The following CACNA2D3 variants were observed in gnomAD, a reference collection of about 807,000 sequenced individuals.
CACNA2D3 encodes the protein voltage-dependent calcium channel subunit alpha-2/delta-3.
A neutral mutation model predicts 160.6 loss-of-function variants in CACNA2D3; 60 were observed. The observed-to-expected ratio is 0.37, with a 90% CI of 0.30 to 0.46. The LOEUF is 0.46. Among genes scored for constraint, CACNA2D3 ranks in the 20% least tolerant of loss-of-function variants. The pLI is 1.00. For missense variants in CACNA2D3, 1,205 were observed against 1,365.0 expected, an observed-to-expected ratio of 0.88 and a Z score of 1.85; for synonymous variants, 558 against 492.9, an observed-to-expected ratio of 1.13 and a Z score of -1.75.
chr3:54,625,793 G>T (rs919787788), intron 9 of CACNA2D3, among the ~76,000 whole-genome samples: 1 of 152,164 alleles, frequency 6.6e-6, no homozygotes, highest in Non-Finnish European at 1.5e-5. Context: ...CTTCTGAGGG[G>T]ACCCAAGGAG....
At position 54,926,963 on chromosome 3, in the gene CACNA2D3, C is replaced by CT. The variant is rs369275911; in HGVS notation, c.2449+27104dup. 4.8e-3 allele frequency among the ~76,000 whole-genome samples: 727 copies of CT among 151,756 alleles called. 3 individuals carry two copies. Among genetic ancestry groups the CT allele is most frequent in the Non-Finnish European group, 8.2e-3 (555 of 67,898 alleles). On this transcript the variant is annotated intron_variant, in intron 27 of 37. Coordinates refer to ENST00000474759, the MANE Select transcript of CACNA2D3 (RefSeq NM_018398.3). Reference sequence around the variant, plus strand: ...ACCAAAGTAGCTGTAACACTCCCTTCTTTTTTTTTGAGACTTGAATTTCAA... The same window carrying CT: ...ACCAAAGTAGCTGTAACACTCCCTTCTTTTTTTTTTGAGACTTGAATTTCAA...
At chr3:54,354,226 T>C (rs552323520) in intron 3 of CACNA2D3, among the ~76,000 whole-genome samples, 1 of 152,262 alleles carries the variant, frequency 6.6e-6, no homozygotes, top group African/African-American at 2.4e-5. Context: ...AGTGTGCACT[T>C]TATGAGTCTG....
intron 2 of CACNA2D3, among the ~76,000 whole-genome samples, chr3:54,204,167 G>A (rs1559881251): frequency 1.3e-5 from 2 of 151,954 alleles, no homozygotes; most frequent in African/African-American, 2.4e-5. Context: ...GACTTGGTCC[G>A]AATTACCCCA....
intron 2 of CACNA2D3, among the ~76,000 whole-genome samples, chr3:54,239,659 C>G (rs1189715307): frequency 6.6e-6 from 1 of 152,330 alleles, no homozygotes; most frequent in Non-Finnish European, 1.5e-5. Flanking sequence ...ATCATCACTT[C>G]ACTTCCTAAA....
At chr3:54,805,887 G>C (rs1363197818) in intron 13 of CACNA2D3, among the ~76,000 whole-genome samples, 1 of 152,080 alleles carries the variant, frequency 6.6e-6, no homozygotes, top group Non-Finnish European at 1.5e-5. Context: ...GGGATGCAAG[G>C]CTGGTTCAAT....
intron 35 of CACNA2D3, among the ~76,000 whole-genome samples, chr3:55,049,067 T>TA (rs1439846620): frequency 6.6e-6 from 1 of 151,614 alleles, no homozygotes; most frequent in East Asian, 1.9e-4. Context: ...CTGGATTCAT[T>TA]AATTTTTTGA....
chr3:54,870,137 C>T (rs1033541085), intron 17 of CACNA2D3, among the ~76,000 whole-genome samples: 4 of 152,094 alleles, frequency 2.6e-5, no homozygotes, highest in African/African-American at 9.7e-5. Context: ...AGAGTGCATG[C>T]GTGGACACTT....
At chr3:55,013,574 A>T (rs1257919316) in intron 34 of CACNA2D3, among the ~76,000 whole-genome samples, 1 of 152,146 alleles carries the variant, frequency 6.6e-6, no homozygotes, top group East Asian at 1.9e-4. Context: ...TAAATTTACC[A>T]TTCCCTCAAA....
chr3:54,676,473 A>G (rs1435363066), intron 11 of CACNA2D3, among the ~76,000 whole-genome samples: 3 of 152,052 alleles, frequency 2.0e-5, no homozygotes, highest in Admixed American at 1.3e-4. Flanking sequence ...CCTGTTAGAC[A>G]TTTATTGTTG....
intron 11 of CACNA2D3, among the ~76,000 whole-genome samples, chr3:54,750,811 C>A (rs549691148): frequency 1.3e-5 from 2 of 151,140 alleles, no homozygotes; most frequent in East Asian, 3.9e-4. Flanking sequence ...CACTCTATCA[C>A]CAGGCTGGAG....
intron 16 of CACNA2D3, among the ~76,000 whole-genome samples, chr3:54,839,212 C>T (rs1009677263): frequency 2.0e-5 from 3 of 152,062 alleles, no homozygotes; most frequent in Non-Finnish European, 2.9e-5. Flanking sequence ...GAGCTGAAAT[C>T]GCACCACTGC....
chr3:54,930,136 CA>C (rs1299413297), intron 27 of CACNA2D3, among the ~76,000 whole-genome samples: 1 of 152,170 alleles, frequency 6.6e-6, no homozygotes, highest in Non-Finnish European at 1.5e-5. Flanking sequence ...ACTTTATTTA[CA>C]AAAACAGGTA....
intron 11 of CACNA2D3, among the ~76,000 whole-genome samples, chr3:54,657,950 G>A (rs1699904107): frequency 6.6e-6 from 1 of 152,156 alleles, no homozygotes; most frequent in African/African-American, 2.4e-5. Flanking sequence ...ACTGGGAGGT[G>A]GAAGTTGCAA....
intron 2 of CACNA2D3, among the ~76,000 whole-genome samples, chr3:54,317,607 G>T (rs111229224): frequency 6.6e-6 from 1 of 152,018 alleles, no homozygotes. Flanking sequence ...GCGCGATCGC[G>T]GCTCACTGCA....
intron 4 of CACNA2D3, among the ~76,000 whole-genome samples, chr3:54,433,743 A>T (rs552230606): frequency 6.6e-6 from 1 of 152,188 alleles, no homozygotes. Context: ...AGAGTGCTCC[A>T]GAAGCCTGCC....
At chr3:54,389,396 A>G (rs889408178) in intron 4 of CACNA2D3, among the ~76,000 whole-genome samples, 9 of 152,222 alleles carry the variant, frequency 5.9e-5, no homozygotes. Context: ...AACTGAGGCA[A>G]GAATCTTCAG....
At chr3:54,994,203 G>A (rs1437125391) in intron 31 of CACNA2D3, among the ~76,000 whole-genome samples, 1 of 152,094 alleles carries the variant, frequency 6.6e-6, no homozygotes, top group Non-Finnish European at 1.5e-5. Context: ...TGTGTGGTGG[G>A]ACTTGGGAGC....
In CACNA2D3 at chr3:54,246,193, G is replaced by T. The variant is rs549693932; in HGVS notation, c.205-74249G>T. On this transcript the variant is annotated intron_variant, in intron 2 of 37. Coordinates refer to ENST00000474759, the MANE Select transcript of CACNA2D3 (RefSeq NM_018398.3). ...AAAAATATTCCCTGAGTTCTTACATGTTGCCTGTGTCCTTTATACTTGAAA... is the reference window on the plus strand; with the variant it reads ...AAAAATATTCCCTGAGTTCTTACATTTTGCCTGTGTCCTTTATACTTGAAA... Among the ~76,000 whole-genome samples, 122 of 152,292 alleles carry T rather than the reference G, an allele frequency of 8.0e-4. 1 individual carries two copies. Among genetic ancestry groups the T allele is most frequent in the Admixed American group, 1.2e-3 (18 of 15,306 alleles).
At chr3:54,128,922 T>G (rs1292073944) in intron 2 of CACNA2D3, among the ~76,000 whole-genome samples, 1 of 152,212 alleles carries the variant, frequency 6.6e-6, no homozygotes, top group Non-Finnish European at 1.5e-5. Context: ...AGGTTTCATC[T>G]CGAGTGACTG....
Sources: allele counts gnomAD v4.1 joint callset (sites outside exome capture counted in the v4.1 genomes callset), GRCh38; gene constraint gnomAD v4.1.1; transcripts MANE v1.5; gene names NCBI Gene and HGNC (gene_info 2026-07-23, HGNC 2026-07-21).